The following HHAT variants were observed in gnomAD, a reference collection of about 807,000 sequenced individuals.
HHAT encodes the protein protein-cysteine N-palmitoyltransferase HHAT.
In HHAT, 47 loss-of-function variants were observed where a neutral mutation model predicts 70.8. The ratio of observed to expected loss-of-function variants is 0.66; its 90% CI spans 0.53 to 0.85. HHAT has a LOEUF of 0.85. Among genes scored for constraint, HHAT ranks in the 40% least tolerant of loss-of-function variants. HHAT has a pLI of 0.00. For missense variants in HHAT, 609 were observed against 604.8 expected (o/e 1.01, Z -0.07); for synonymous variants, 228 against 247.6 (o/e 0.92, Z 0.74).
At chr1:210,640,573 G>C (rs1672786786) in intron 11 of HHAT, among the ~76,000 whole-genome samples, 1 of 151,842 alleles carries the variant, frequency 6.6e-6, no homozygotes, top group Non-Finnish European at 1.5e-5. Flanking sequence ...AAACCCATCA[G>C]AACACTAAAT....
intron 8 of HHAT, among the ~76,000 whole-genome samples, chr1:210,510,674 G>T (rs888039454): frequency 6.6e-6 from 1 of 152,214 alleles, no homozygotes; most frequent in Non-Finnish European, 1.5e-5. Context: ...TTAGGGTTCA[G>T]TTTGATTTCC....
chr1:210,394,333 GCT>G (rs550221327), intron 4 of HHAT, among the ~76,000 whole-genome samples: 62 of 145,800 alleles, frequency 4.3e-4, no homozygotes, highest in African/African-American at 1.6e-3. Flanking sequence ...CCTGGATAAG[GCT>G]CTCTCTTTGG....
chr1:210,552,322 G>T (rs903684811), intron 9 of HHAT, among the ~76,000 whole-genome samples: 1 of 152,198 alleles, frequency 6.6e-6, no homozygotes, highest in Non-Finnish European at 1.5e-5. Flanking sequence ...TGCTTTGCTT[G>T]TTTAAAATGT....
rs534317095 is a variant in HHAT, at chr1:210,489,315, TGAA to T, written c.1008-23834_1008-23832del. Among the ~76,000 whole-genome samples, 152 of 152,244 alleles carry T rather than the reference TGAA, an allele frequency of 1.0e-3. 1 individual carries two copies. The highest frequency in any genetic ancestry group is 1.9e-3 in the Non-Finnish European group (132 of 68,010). ...GAGATTAAACTGGAGGGAAGAGAGT[TGAA>T]GAAAGTAACTGGAGACAGGGCTAAG... On this transcript the variant is annotated intron_variant, in intron 8 of 11. Transcript: ENST00000261458.
intron 8 of HHAT, among the ~76,000 whole-genome samples, chr1:210,497,539 A>C (rs1476732312): frequency 1.3e-5 from 2 of 152,140 alleles, no homozygotes; most frequent in East Asian, 3.9e-4. Flanking sequence ...TTCTACAAGA[A>C]AGTTTCTTGG....
intron 7 of HHAT, among the ~76,000 whole-genome samples, chr1:210,432,646 G>A (rs1043638752): frequency 2.6e-5 from 4 of 151,896 alleles, no homozygotes; most frequent in Admixed American, 2.0e-4. Context: ...CTATCACATA[G>A]CCCAGTGGGT....
intron 9 of HHAT, among the ~76,000 whole-genome samples, chr1:210,538,743 T>A (rs12122988): frequency 0.19 from 28,611 of 152,154 alleles, 3,300 homozygotes; most frequent in Middle Eastern, 0.29. Context: ...GAAGAAGCTG[T>A]CCTGGATTTA....
chr1:210,330,759 G>C (rs564969599), intron 1 of HHAT, among the ~76,000 whole-genome samples: 150 of 152,268 alleles, frequency 9.9e-4, no homozygotes, highest in African/African-American at 3.6e-3. Flanking sequence ...TGGACAATAA[G>C]TTTTTCATGG....
At chr1:210,596,819 G>A (rs1663111441) in intron 10 of HHAT, among the ~76,000 whole-genome samples, 1 of 152,006 alleles carries the variant, frequency 6.6e-6, no homozygotes, top group South Asian at 2.1e-4. Flanking sequence ...TTTACTCCTG[G>A]TGCCTTCTTT....
chr1:210,327,666 C>T (rs1250560418), upstream of HHAT, among the ~76,000 whole-genome samples: 4 of 151,656 alleles, frequency 2.6e-5, no homozygotes, highest in African/African-American at 9.7e-5. Flanking sequence ...CCACCACACC[C>T]GGCTAATTTT....
chr1:210,419,682 C>A (rs75157686), intron 7 of HHAT, among the ~76,000 whole-genome samples: 3,448 of 152,262 alleles, frequency 0.023, 134 homozygotes, highest in African/African-American at 0.079. Flanking sequence ...CAGAATGTTT[C>A]CAAGGACGAA....
intron 9 of HHAT, among the ~76,000 whole-genome samples, chr1:210,587,146 A>C (rs1660636158): frequency 6.6e-6 from 1 of 152,222 alleles, no homozygotes; most frequent in East Asian, 1.9e-4. Context: ...TGTAAAATCC[A>C]CACTTGCTGT....
At chr1:210,354,682 T>A (rs1258543741) in intron 2 of HHAT, among the ~76,000 whole-genome samples, 1 of 152,094 alleles carries the variant, frequency 6.6e-6, no homozygotes, top group East Asian at 1.9e-4. Context: ...AATTCTTATA[T>A]TCTGTTTAAT....
At chr1:210,374,930 A>C (rs565061941) in intron 3 of HHAT, among the ~76,000 whole-genome samples, 201 of 152,072 alleles carry the variant, frequency 1.3e-3, no homozygotes, top group Middle Eastern at 3.4e-3. Context: ...AGGCCTTACC[A>C]GTCCTCCCTG....
intron 11 of HHAT, among the ~76,000 whole-genome samples, chr1:210,639,185 A>G (rs998294066): frequency 1.3e-5 from 2 of 151,770 alleles, no homozygotes; most frequent in Non-Finnish European, 2.9e-5. Context: ...CCTTCAACCC[A>G]TTCATTTGGC....
chr1:210,514,541 T>G (rs1298011301), intron 9 of HHAT, among the ~76,000 whole-genome samples: 2 of 152,198 alleles, frequency 1.3e-5, no homozygotes, highest in African/African-American at 4.8e-5. Context: ...CTTAATGCCT[T>G]GTAGTGGATG....
chr1:210,653,710 G>T (rs1675675186), intron 11 of HHAT, among the ~76,000 whole-genome samples: 1 of 152,062 alleles, frequency 6.6e-6, no homozygotes, highest in Non-Finnish European at 1.5e-5. Context: ...GGTACCTTTT[G>T]TATTTTATAT....
chr1:210,386,222 CT>C lies in HHAT; in HGVS notation c.160-1239del, dbSNP rs1295756019. On this transcript the variant is annotated intron_variant, in intron 3 of 11. Transcript: ENST00000261458. The stretch of plus-strand genomic sequence containing the variant: ...CAGTGGTCATTGCAGGAGTCCTTTT[CT>C]TTTTTTCTTTTTTTTTTTTTTTTTT... Among the ~76,000 whole-genome samples, 320 of 69,856 alleles carry C rather than the reference CT, an allele frequency of 4.6e-3. 3 individuals are homozygous for C. The highest frequency in any genetic ancestry group is 0.016 in the African/African-American group (306 of 18,728). The allele number at this position is 69,856 out of a possible 152,430, so 45.8% of individuals were successfully genotyped here.
At chr1:210,442,687 T>C (rs1170128097) in intron 7 of HHAT, among the ~76,000 whole-genome samples, 2 of 152,228 alleles carry the variant, frequency 1.3e-5, no homozygotes, top group African/African-American at 4.8e-5. Context: ...TGCCCACTTT[T>C]TGATGGGGTT....
Sources: gnomAD v4.1 joint callset for allele counts (sites outside exome capture counted in the v4.1 genomes callset) on GRCh38, gnomAD v4.1.1 for gene constraint, MANE v1.5 for transcripts, NCBI Gene and HGNC (gene_info 2026-07-23, HGNC 2026-07-21) for gene names.